Variants in GNA14 observed in about 807,000 individuals in gnomAD.
GNA14 encodes guanine nucleotide-binding protein subunit alpha-14.
A neutral mutation model predicts 42.0 loss-of-function variants in GNA14; 50 were observed. The ratio of observed to expected loss-of-function variants is 1.19; its 90% CI spans 0.95 to 1.51. The LOEUF is 1.51. GNA14 is among the 40% of genes most tolerant of loss of function. The pLI is 0.00. For missense variants in GNA14, 473 were observed against 446.2 expected (o/e 1.06, Z -0.54); for synonymous variants, 173 against 163.1 (o/e 1.06, Z -0.46).
chr9:77,438,913 T>A (rs1254000134), intron 2 of GNA14, among the ~76,000 whole-genome samples: 1 of 152,218 alleles, frequency 6.6e-6, no homozygotes, highest in Non-Finnish European at 1.5e-5. Context: ...GAAATAGGCG[T>A]GGACACAACA....
intron 6 of GNA14, among the ~76,000 whole-genome samples, chr9:77,424,411 C>T (rs760863970): frequency 3.3e-5 from 5 of 152,076 alleles, no homozygotes; most frequent in East Asian, 1.9e-4. Context: ...TTAGTAGAAA[C>T]GGGGTTTTAC....
chr9:77,443,090 A>G (rs1389378469), intron 2 of GNA14, among the ~76,000 whole-genome samples: 1 of 152,230 alleles, frequency 6.6e-6, no homozygotes, highest in East Asian at 1.9e-4. Flanking sequence ...GAAATGGACA[A>G]ATCTTCACCA....
At chr9:77,454,476 T>G (rs77456583) in intron 2 of GNA14, among the ~76,000 whole-genome samples, 11,056 of 152,276 alleles carry the variant, frequency 0.073, 466 homozygotes, top group East Asian at 0.16. Context: ...ACTCAGACTT[T>G]GCTGAGCTGT....
rs1238566716 is a variant in GNA14, at chr9:77,525,907, TTTA to T, written c.309+3159_309+3161del. Among the ~76,000 whole-genome samples, 522 of 82,272 alleles carry T rather than the reference TTTA, an allele frequency of 6.3e-3. 5 individuals carry two copies. Among genetic ancestry groups the T allele is most frequent in the African/African-American group, 0.022 (502 of 22,926 alleles). The allele number at this position is 82,272 out of a possible 152,430, so 54.0% of individuals were successfully genotyped here. On this transcript the variant is annotated intron_variant, in intron 2 of 6. Transcript: ENST00000341700. ...TTAGACAATGAGATTTGGGACTTTT[TTTA>T]AAAAAAAAAAAAAACGGAGTTTCAC...
At chr9:77,633,544 C>T (rs1266979822) in intron 1 of GNA14, among the ~76,000 whole-genome samples, 2 of 152,124 alleles carry the variant, frequency 1.3e-5, no homozygotes, top group African/African-American at 4.8e-5. Flanking sequence ...ATCCAATTTA[C>T]ATTTTTAAAA....
chr9:77,634,123 C>A (rs890458801), intron 1 of GNA14, among the ~76,000 whole-genome samples: 1 of 152,026 alleles, frequency 6.6e-6, no homozygotes, highest in African/African-American at 2.4e-5. Flanking sequence ...TAGGAAAAGT[C>A]TTTATGAAAA....
chr9:77,613,270 T>C (rs1284721997), intron 1 of GNA14, among the ~76,000 whole-genome samples: 25 of 152,198 alleles, frequency 1.6e-4, no homozygotes. Flanking sequence ...TATTCCATAA[T>C]ATGCTTCTCT....
At chr9:77,594,819 C>T (rs926164164) in intron 1 of GNA14, among the ~76,000 whole-genome samples, 1 of 152,188 alleles carries the variant, frequency 6.6e-6, no homozygotes, top group African/African-American at 2.4e-5. Flanking sequence ...GGGCCTTCTC[C>T]GTGTGCATGG....
intron 2 of GNA14, among the ~76,000 whole-genome samples, chr9:77,453,259 C>T (rs188891042): frequency 2.0e-5 from 3 of 152,348 alleles, no homozygotes; most frequent in African/African-American, 7.2e-5. Context: ...GACAGCACAT[C>T]TGCTAGTGCC....
rs1478414455 is a variant in GNA14 at position 77,493,795 on chromosome 9, T to C, written c.309+35274A>G. ...TGGAAGGATTTGCAATGCCCTATCA[T>C]TGGTGGAGGGCTTTTTAACATCTTT... On this transcript the variant is annotated intron_variant, in intron 2 of 6. Coordinates refer to ENST00000341700, the MANE Select transcript of GNA14 (RefSeq NM_004297.4). Among the ~76,000 whole-genome samples the C allele has an allele frequency of 2.6e-5, 4 of 152,218 alleles. No individual in the cohort carries two copies. The South Asian group carries it at 6.2e-4, about 24-fold the overall frequency.
intron 1 of GNA14, among the ~76,000 whole-genome samples, chr9:77,566,360 G>C (rs191435647): frequency 6.6e-6 from 1 of 151,848 alleles, no homozygotes; most frequent in Non-Finnish European, 1.5e-5. Context: ...TCGCCATGTT[G>C]GTCAAGCTGG....
chr9:77,466,227 C>T (rs1163417446), intron 2 of GNA14, among the ~76,000 whole-genome samples: 1 of 152,178 alleles, frequency 6.6e-6, no homozygotes, highest in African/African-American at 2.4e-5. Context: ...CTGGTCTTGT[C>T]CTGCATTCCA....
chr9:77,569,536 G>T (rs993480789), intron 1 of GNA14, among the ~76,000 whole-genome samples: 10 of 152,142 alleles, frequency 6.6e-5, no homozygotes, highest in Non-Finnish European at 1.5e-5. Context: ...TTACAAAACG[G>T]TCAGAGGGAG....
Position 77,504,608 on chromosome 9 carries a change from C to T in GNA14, c.309+24461G>A, listed in dbSNP as rs552753686. 1.0e-4 allele frequency among the ~76,000 whole-genome samples: 15 copies of T among 148,128 alleles called. No individual in the cohort carries two copies. The East Asian group carries it at 1.6e-3, about 16-fold the overall frequency. ...ATTCATTCCAACTGGCTGCATCCTC[C>T]GTTGGGGAAGCCATGGACTCTGTTG... On this transcript the variant is annotated intron_variant, in intron 2 of 6. Transcript: ENST00000341700.
chr9:77,429,346 T>C (rs1042847553), intron 4 of GNA14, among the ~76,000 whole-genome samples: 2 of 152,082 alleles, frequency 1.3e-5, no homozygotes, highest in South Asian at 4.2e-4. Context: ...TCACTTGGGT[T>C]CTGTGACAAC....
In GNA14 at chr9:77,576,471, A is replaced by G. The variant is rs545979631; in HGVS notation, c.125-47218T>C. Among the ~76,000 whole-genome samples the G allele has an allele frequency of 7.9e-5, 12 of 152,312 alleles. No individual in the cohort carries two copies. In the East Asian group the frequency reaches 2.1e-3, roughly 27 times the overall value. On this transcript the variant is annotated intron_variant, in intron 1 of 6. Transcript: ENST00000341700. ...GAGTGACTTTTTTGAGGAAAAGCCT[A>G]TTTCAAGAGTAACATCTTCATCTTA...
In GNA14 at chr9:77,431,024, TTGTGTG is replaced by T. The variant is rs10631280; in HGVS notation, c.593+291_593+296del. 4.2e-3 allele frequency among the ~76,000 whole-genome samples: 427 copies of T among 101,518 alleles called. 4 individuals carry two copies. Among genetic ancestry groups the T allele is most frequent in the African/African-American group, 0.013 (317 of 24,650 alleles). 66.6% of individuals were successfully genotyped at this position (101,518 alleles called of 152,430 possible). A position where few individuals can be genotyped will look rare whatever the true frequency, so the allele number is the denominator to read the frequency against. Reference sequence around the variant, plus strand: ...ATTTGTGGGATACAGAAGTATACATTTGTGTGTGTGTGTGTGTGTGTGTGTGTGTGT... The same window carrying T: ...ATTTGTGGGATACAGAAGTATACATTTGTGTGTGTGTGTGTGTGTGTGTGT... On this transcript the variant is annotated intron_variant, in intron 4 of 6. Coordinates refer to ENST00000341700, the MANE Select transcript of GNA14 (RefSeq NM_004297.4).
intron 1 of GNA14, among the ~76,000 whole-genome samples, chr9:77,530,713 C>T (rs143915551): frequency 0.013 from 1,924 of 152,340 alleles, 22 homozygotes; most frequent in Middle Eastern, 0.02. Context: ...AGTTCACAGT[C>T]ACACACTGAA....
intron 1 of GNA14, among the ~76,000 whole-genome samples, chr9:77,622,914 A>AT (rs397724236): frequency 1.0e-4 from 14 of 139,448 alleles, no homozygotes; most frequent in Non-Finnish European, 1.6e-4. Context: ...AAAAAGAAAA[A>AT]TTTTTTTTTC....
Sources: allele counts gnomAD v4.1 joint callset (sites outside exome capture counted in the v4.1 genomes callset), GRCh38; gene constraint gnomAD v4.1.1; transcripts MANE v1.5; gene names NCBI Gene and HGNC (gene_info 2026-07-23, HGNC 2026-07-21).